CLVS1: variants seen among roughly 807,000 people sequenced by gnomAD.
The protein encoded by CLVS1 is clavesin-1.
CLVS1 carries 10 observed loss-of-function variants against 33.1 expected under a neutral mutation model. That is an observed-to-expected ratio of 0.30 (90% CI 0.19 to 0.51). CLVS1 has a LOEUF of 0.51. Ranked by LOEUF, CLVS1 falls within the 20% of genes least tolerant of loss-of-function variation. The pLI is 0.97. For missense variants in CLVS1, 343 were observed against 433.4 expected (o/e 0.79, Z 1.85); for synonymous variants, 163 against 166.1 (o/e 0.98, Z 0.14).
intron 2 of CLVS1, among the ~76,000 whole-genome samples, chr8:61,167,499 T>C (rs1806899986): frequency 6.6e-6 from 1 of 152,140 alleles, no homozygotes; most frequent in African/African-American, 2.4e-5. Context: ...CTTTAATTTT[T>C]AATGTGTACC....
intron 2 of CLVS1, among the ~76,000 whole-genome samples, chr8:61,139,993 A>T (rs1806277002): frequency 6.6e-6 from 1 of 152,134 alleles, no homozygotes; most frequent in Non-Finnish European, 1.5e-5. Flanking sequence ...ACTGGCCCTC[A>T]GCGGAGCTCT....
At chr8:61,285,182 C>T (rs1258371009), upstream of CLVS1, among the ~76,000 whole-genome samples, 2 of 152,162 alleles carry the variant, frequency 1.3e-5, no homozygotes, top group Non-Finnish European at 2.9e-5. Flanking sequence ...AGCACATCCC[C>T]CAGGAATGTG....
At chr8:61,180,051 G>A (rs537229604) in intron 2 of CLVS1, among the ~76,000 whole-genome samples, 14 of 152,234 alleles carry the variant, frequency 9.2e-5, no homozygotes, top group Admixed American at 9.2e-4. Context: ...GAATCCGGGA[G>A]CTGGTTTTTT....
Position 61,232,022 on chromosome 8 carries a change from GGT to G in CLVS1, c.-151-67654_-151-67653del, listed in dbSNP as rs1808443741. On this transcript the variant is annotated intron_variant, in intron 2 of 2. Transcript: ENST00000522621. ...GAGAAGGAGCCCTGAGGAAAGTTGT[GGT>G]TTTTTTTTTTTTTTTTTTTTTTTTT... is the stretch of plus-strand genomic sequence containing the variant. 7.7e-5 allele frequency among the ~76,000 whole-genome samples: 9 copies of G among 117,074 alleles called. 2 individuals are homozygous for G. Among genetic ancestry groups the G allele is most frequent in the African/African-American group, 4.0e-4 (9 of 22,346 alleles). The allele number at this position is 117,074 out of a possible 152,430, so 76.8% of individuals were successfully genotyped here.
chr8:61,144,947 T>A (rs111622129), intron 2 of CLVS1, among the ~76,000 whole-genome samples: 8,762 of 152,246 alleles, frequency 0.058, 426 homozygotes, highest in East Asian at 0.27. Flanking sequence ...GTCAGGCAGG[T>A]CTCGAACTCC....
chr8:61,416,616 T>G (rs1187257120), intron 3 of CLVS1, among the ~76,000 whole-genome samples: 1 of 152,196 alleles, frequency 6.6e-6, no homozygotes, highest in Non-Finnish European at 1.5e-5. Flanking sequence ...TGAGCCCATC[T>G]ATGCAGGAAC....
chr8:60,992,527 T>A, the CLVS1 span, among the ~76,000 whole-genome samples: 1 of 152,342 alleles, frequency 6.6e-6, no homozygotes, highest in East Asian at 1.9e-4. Context: ...CTCCCTCGAA[T>A]CAATGTAATG....
intron 1 of CLVS1, among the ~76,000 whole-genome samples, chr8:61,288,908 G>A (rs920216839): frequency 2.6e-5 from 4 of 152,138 alleles, no homozygotes; most frequent in Non-Finnish European, 4.4e-5. Flanking sequence ...GACCCTAAAG[G>A]TTAACTCTGG....
At chr8:61,038,347 A>T in the CLVS1 span, among the ~76,000 whole-genome samples, 1 of 151,714 alleles carries the variant, frequency 6.6e-6, no homozygotes, top group African/African-American at 2.4e-5. Flanking sequence ...GAGAGGAAGG[A>T]GGGTGCTGTT....
At chr8:61,490,563 G>A (rs1195971022) in intron 5 of CLVS1, among the ~76,000 whole-genome samples, 1 of 149,298 alleles carries the variant, frequency 6.7e-6, no homozygotes, top group African/African-American at 2.5e-5. Flanking sequence ...AGCTACTCGG[G>A]AAGCTGAGGC....
chr8:61,082,480 G>GAAAC (rs1021880007), intron 1 of CLVS1, among the ~76,000 whole-genome samples: 1 of 149,024 alleles, frequency 6.7e-6, no homozygotes, highest in Non-Finnish European at 1.5e-5. Flanking sequence ...CCAAAACAAA[G>GAAAC]AAACAAACAA....
Position 61,463,476 on chromosome 8 carries a change from C to A in CLVS1, c.977+4934C>A, listed in dbSNP as rs984326847. 2.6e-5 allele frequency among the ~76,000 whole-genome samples: 4 copies of A among 152,148 alleles called. No homozygotes were observed. The South Asian group carries it at 8.3e-4, about 31-fold the overall frequency. ...CCTCCCCAAGCTTAATCATGTCTAG[C>A]TTTTGGTTTAAAATGAGAGACGTGC... On this transcript the variant is annotated intron_variant, in intron 5 of 5. Transcript: ENST00000325897.
At chr8:61,368,827 A>T (rs1172217579) in intron 2 of CLVS1, among the ~76,000 whole-genome samples, 1 of 152,240 alleles carries the variant, frequency 6.6e-6, no homozygotes, top group Non-Finnish European at 1.5e-5. Flanking sequence ...TTGAATTACA[A>T]TTAATAATAA....
intron 2 of CLVS1, among the ~76,000 whole-genome samples, chr8:61,233,313 G>A (rs539484958): frequency 7.2e-5 from 11 of 152,102 alleles, no homozygotes; most frequent in Admixed American, 2.0e-4. Context: ...TGAGGACCTC[G>A]GAATTGGAGG....
intron 2 of CLVS1, among the ~76,000 whole-genome samples, chr8:61,242,633 TAA>T (rs1307609525): frequency 6.6e-6 from 1 of 151,722 alleles, no homozygotes; most frequent in African/African-American, 2.4e-5. Flanking sequence ...CTACAAAAAA[TAA>T]AAAATTAACC....
At chr8:61,355,501 T>C (rs1186986486) in intron 2 of CLVS1, among the ~76,000 whole-genome samples, 1 of 152,070 alleles carries the variant, frequency 6.6e-6, no homozygotes, top group African/African-American at 2.4e-5. Flanking sequence ...GCCATGCTGG[T>C]GTGCTGCACC....
intron 5 of CLVS1, among the ~76,000 whole-genome samples, chr8:61,475,858 A>T (rs1817906845): frequency 6.6e-6 from 1 of 152,114 alleles, no homozygotes; most frequent in Non-Finnish European, 1.5e-5. Flanking sequence ...GTTTTAGTCA[A>T]GAAGTCCTTG....
chr8:61,368,694 G>A (rs923212536), intron 2 of CLVS1, among the ~76,000 whole-genome samples: 9 of 152,190 alleles, frequency 5.9e-5, no homozygotes, highest in African/African-American at 2.2e-4. Context: ...AGAAGCAGAT[G>A]AAATAATGTA....
At chr8:61,039,192 C>A in the CLVS1 span, among the ~76,000 whole-genome samples, 1 of 152,172 alleles carries the variant, frequency 6.6e-6, no homozygotes, top group African/African-American at 2.4e-5. Flanking sequence ...TATTTTACTT[C>A]ATCTGAATTA....
Sources: gnomAD v4.1 joint callset for allele counts (sites outside exome capture counted in the v4.1 genomes callset) on GRCh38, gnomAD v4.1.1 for gene constraint, MANE v1.5 for transcripts, NCBI Gene and HGNC (gene_info 2026-07-23, HGNC 2026-07-21) for gene names.